Variants in CTNNA3 observed in about 807,000 individuals in gnomAD.
The protein encoded by CTNNA3 is catenin alpha 3, also known as catenin alpha-3.
In CTNNA3, 76 loss-of-function variants were observed where a neutral mutation model predicts 95.7. The ratio of observed to expected loss-of-function variants is 0.79; its 90% confidence interval spans 0.66 to 0.96. CTNNA3 has a LOEUF of 0.96. CTNNA3 is among the 40% of genes least tolerant of loss of function. The pLI, the probability that CTNNA3 is intolerant of heterozygous loss-of-function variation, is 0.00. For missense variants in CTNNA3, 1,191 were observed against 1,089.8 expected (o/e 1.09, Z -1.31); for synonymous variants, 431 against 374.4 (o/e 1.15, Z -1.74).
At chr10:67,579,676 TA>T (rs1169216462) in intron 3 of CTNNA3, among the ~76,000 whole-genome samples, 1 of 152,198 alleles carries the variant, frequency 6.6e-6, no homozygotes, top group East Asian at 1.9e-4. Context: ...ACCAACAGTG[TA>T]AAAGTGTTCC....
chr10:66,410,038 GT>G (rs2093090606), intron 11 of CTNNA3, among the ~76,000 whole-genome samples: 1 of 152,180 alleles, frequency 6.6e-6, no homozygotes, highest in African/African-American at 2.4e-5. Flanking sequence ...TAAGTAATCT[GT>G]GCTAAAAGCA....
At chr10:66,037,039 A>G (rs2079579707) in intron 15 of CTNNA3, among the ~76,000 whole-genome samples, 1 of 151,714 alleles carries the variant, frequency 6.6e-6, no homozygotes, top group African/African-American at 2.4e-5. Flanking sequence ...TGCCCGGCTA[A>G]TTTTTTGTGT....
intron 12 of CTNNA3, 85 bp downstream of exon 12, chr10:66,379,067 G>A (rs77813477): frequency 0.01 from 12,326 of 1,176,872 alleles, 115 homozygotes; most frequent in Middle Eastern, 0.042. Flanking sequence ...ACACAGACTA[G>A]AATCTTTCCC....
intron 9 of CTNNA3, among the ~76,000 whole-genome samples, chr10:66,711,261 A>AC (rs1362700621): frequency 2.1e-4 from 31 of 150,888 alleles, no homozygotes; most frequent in South Asian, 8.3e-4. Flanking sequence ...CAAGAAACAA[A>AC]AAAAAAAAAA....
In CTNNA3 at chr10:66,356,120, TTG is replaced by T. The variant is rs1300360365; in HGVS notation, c.1732+23030_1732+23031del. Among the ~76,000 whole-genome samples, 211 of 136,024 alleles carry T rather than the reference TTG, an allele frequency of 1.6e-3. 1 individual carries two copies. The highest frequency in any genetic ancestry group is 4.9e-3 in the African/African-American group (179 of 36,330). The allele number at this position is 136,024 out of a possible 152,430, so 89.2% of individuals were successfully genotyped here. A position where few individuals can be genotyped will look rare whatever the true frequency, so the allele number is the denominator to read the frequency against. ...GATGCTCCAAATTTGTTTGCTTGTT[TTG>T]TTTTTTTTTTTTTTTTTTTGGCTAT... On this transcript the variant is annotated intron_variant, in intron 12 of 17. Coordinates refer to ENST00000433211, the MANE Select transcript of CTNNA3 (RefSeq NM_013266.4).
At chr10:67,343,060 C>T (rs1842276050) in intron 5 of CTNNA3, among the ~76,000 whole-genome samples, 1 of 152,132 alleles carries the variant, frequency 6.6e-6, no homozygotes, top group South Asian at 2.1e-4. Flanking sequence ...TCAAGCAATT[C>T]TTGTGCCTCA....
chr10:66,595,481 C>T (rs190204235), intron 10 of CTNNA3, among the ~76,000 whole-genome samples: 45 of 151,962 alleles, frequency 3.0e-4, no homozygotes, highest in African/African-American at 1.1e-3. Flanking sequence ...GTATTACAGG[C>T]GCATGCCACC....
At chr10:66,644,319 T>C (rs1564589951) in intron 9 of CTNNA3, among the ~76,000 whole-genome samples, 4 of 146,822 alleles carry the variant, frequency 2.7e-5, no homozygotes, top group Non-Finnish European at 6.0e-5. Context: ...TATATATATA[T>C]ATATAAAATA....
At chr10:67,372,298 T>C (rs1481205133) in intron 5 of CTNNA3, among the ~76,000 whole-genome samples, 1 of 152,216 alleles carries the variant, frequency 6.6e-6, no homozygotes, top group African/African-American at 2.4e-5. Flanking sequence ...ATGAAGTCCT[T>C]GCCCATGCCT....
chr10:66,165,099 C>T (rs78023234), intron 13 of CTNNA3, among the ~76,000 whole-genome samples: 2,034 of 152,200 alleles, frequency 0.013, 68 homozygotes, highest in East Asian at 0.081. Context: ...AAAAGAATAA[C>T]GTCGTGTACT....
chr10:66,845,713 A>ATAAAT (rs1380021748), intron 7 of CTNNA3, among the ~76,000 whole-genome samples: 14 of 123,378 alleles, frequency 1.1e-4, no homozygotes, highest in Non-Finnish European at 1.7e-4. Flanking sequence ...CAAAAAAAAA[A>ATAAAT]AAAAAAAAAA....
At chr10:65,927,046 A>AT (rs1310461313) in intron 17 of CTNNA3, among the ~76,000 whole-genome samples, 3 of 151,760 alleles carry the variant, frequency 2.0e-5, no homozygotes, top group Admixed American at 1.3e-4. Context: ...TTACTTTTTC[A>AT]TTTTTTTTAA....
intron 3 of CTNNA3, among the ~76,000 whole-genome samples, chr10:67,579,044 CAT>C (rs1462969242): frequency 1.3e-4 from 18 of 140,792 alleles, no homozygotes; most frequent in African/African-American, 1.8e-4. Context: ...CACACACACA[CAT>C]ATATGCATAT....
chr10:67,069,408 G>T (rs933463184), intron 7 of CTNNA3, among the ~76,000 whole-genome samples: 1 of 151,700 alleles, frequency 6.6e-6, no homozygotes, highest in African/African-American at 2.4e-5. Context: ...CTCAAAAAAC[G>T]CTCATTGTAA....
intron 15 of CTNNA3, among the ~76,000 whole-genome samples, chr10:66,067,752 C>A (rs962571719): frequency 6.6e-6 from 1 of 151,920 alleles, no homozygotes; most frequent in Admixed American, 6.6e-5. Flanking sequence ...TCCGTCTCTA[C>A]TAAAAATACA....
At chr10:66,294,773 T>G (rs897452087) in intron 12 of CTNNA3, among the ~76,000 whole-genome samples, 1 of 152,090 alleles carries the variant, frequency 6.6e-6, no homozygotes, top group South Asian at 2.1e-4. Flanking sequence ...GGGCAAACTA[T>G]TATCAGTAAT....
At chr10:66,934,885 A>T (rs1282366557) in intron 7 of CTNNA3, among the ~76,000 whole-genome samples, 2 of 152,160 alleles carry the variant, frequency 1.3e-5, no homozygotes, top group Non-Finnish European at 2.9e-5. Flanking sequence ...GTAAGGAGGC[A>T]ATGACTTCAA....
chr10:66,495,190 G>A (rs929146617), intron 11 of CTNNA3, among the ~76,000 whole-genome samples: 1 of 152,052 alleles, frequency 6.6e-6, no homozygotes, highest in Admixed American at 6.6e-5. Flanking sequence ...TGACTTAGAA[G>A]AATAAAATTA....
At chr10:66,972,203 G>T (rs986415520) in intron 7 of CTNNA3, among the ~76,000 whole-genome samples, 2 of 152,152 alleles carry the variant, frequency 1.3e-5, no homozygotes, top group Non-Finnish European at 2.9e-5. Flanking sequence ...AATGAACAAA[G>T]ATTTCTTTCT....
Sources: gnomAD v4.1 joint callset for allele counts (sites outside exome capture counted in the v4.1 genomes callset) on GRCh38, gnomAD v4.1.1 for gene constraint, MANE v1.5 for transcripts, NCBI Gene and HGNC (gene_info 2026-07-23, HGNC 2026-07-21) for gene names.